BTG4: variants seen among roughly 807,000 people sequenced by gnomAD.
BTG4 encodes protein BTG4.
In BTG4, 10 loss-of-function variants were observed where a neutral mutation model predicts 19.3. That is an observed-to-expected ratio of 0.52 (90% CI 0.32 to 0.88). The LOEUF (loss-of-function observed/expected upper bound fraction) is 0.88, where lower values mean the gene tolerates loss of function less well. BTG4 is among the 40% of genes least tolerant of loss of function. The pLI is 0.04. For missense variants in BTG4, 238 were observed against 281.9 expected, an observed-to-expected ratio of 0.84 and a Z score of 1.11; for synonymous variants, 91 against 95.7, an observed-to-expected ratio of 0.95 and a Z score of 0.29.
the BTG4 span, chr11:111,449,299 ACCAGCACTCCTC>A: frequency 1.1e-4 from 17 of 151,722 alleles, no homozygotes; most frequent in African/African-American, 4.1e-4. Context: ...ACCAACATGA[ACCAGCACTCCTC>A]CCTCCCCCTC....
the BTG4 span, among the ~76,000 whole-genome samples, chr11:111,444,971 G>A: frequency 7.9e-5 from 12 of 152,150 alleles, no homozygotes; most frequent in East Asian, 1.9e-3. Context: ...TCTGTCAAAC[G>A]GGACAAATAG....
intron 5 of BTG4, among the ~76,000 whole-genome samples, chr11:111,483,380 T>G (rs1422745624): frequency 2.6e-5 from 4 of 152,132 alleles, no homozygotes; most frequent in Non-Finnish European, 5.9e-5. Context: ...CTAAATAAAC[T>G]AAATTAGACA....
the BTG4 span, among the ~76,000 whole-genome samples, chr11:111,391,507 G>A: frequency 6.6e-6 from 1 of 152,166 alleles, no homozygotes; most frequent in Non-Finnish European, 1.5e-5. Flanking sequence ...AACCTCTGCT[G>A]GCCGGGACTT....
At chr11:111,403,306 T>C in the BTG4 span, among the ~76,000 whole-genome samples, 1 of 152,202 alleles carries the variant, frequency 6.6e-6, no homozygotes, top group East Asian at 1.9e-4. Context: ...AATCCCAACC[T>C]CAAACACTTC....
the BTG4 span, chr11:111,384,928 T>G: frequency 6.6e-6 from 1 of 152,116 alleles, no homozygotes; most frequent in Admixed American, 6.5e-5. Context: ...CAAAATGCAC[T>G]AATGCTTTCG....
the BTG4 span, chr11:111,458,206 A>G: frequency 6.5e-6 from 1 of 152,904 alleles, no homozygotes; most frequent in Non-Finnish European, 1.5e-5. Flanking sequence ...ATGACATTGA[A>G]GCCAGTGGTG....
At chr11:111,467,753 T>C (rs651882) in intron 5 of BTG4, 303,035 of 724,044 alleles carry the variant, frequency 0.42, 69,013 homozygotes, top group East Asian at 0.62. Flanking sequence ...TCCTGACATA[T>C]TTTATTCCCT....
intron 4 of BTG4, 185 bp downstream of exon 4, chr11:111,497,026 G>A (rs1475633808): frequency 4.2e-6 from 2 of 479,060 alleles, no homozygotes; most frequent in Non-Finnish European, 7.3e-6. Context: ...TCAGCCAAGT[G>A]TAGGGAATAC....
chr11:111,447,626 T>C, the BTG4 span, among the ~76,000 whole-genome samples: 1 of 151,954 alleles, frequency 6.6e-6, no homozygotes, highest in African/African-American at 2.4e-5. Flanking sequence ...AGATAGGAGA[T>C]AGAGAAGAAC....
intron 1 of BTG4, among the ~76,000 whole-genome samples, chr11:111,500,149 A>T (rs528645054): frequency 3.3e-4 from 50 of 149,286 alleles, no homozygotes; most frequent in Admixed American, 5.3e-4. Flanking sequence ...CTCAAAAAAT[A>T]AAAATAAAAA....
At chr11:111,413,676 A>C in the BTG4 span, among the ~76,000 whole-genome samples, 1 of 152,268 alleles carries the variant, frequency 6.6e-6, no homozygotes, top group Non-Finnish European at 1.5e-5. Flanking sequence ...ATCCTGGCCA[A>C]GGCAATAGCA....
intron 4 of BTG4, chr11:111,496,722 C>T (rs1565465110): frequency 6.5e-6 from 1 of 154,284 alleles, no homozygotes; most frequent in Non-Finnish European, 1.4e-5. Flanking sequence ...TAAAGATAAG[C>T]ACTGTTTCAT....
At chr11:111,459,679 T>G in the BTG4 span, 1 of 152,632 alleles carries the variant, frequency 6.6e-6, no homozygotes, top group Admixed American at 6.5e-5. Context: ...GGAATGGAGA[T>G]CCCAGATCCT....
downstream of BTG4, among the ~76,000 whole-genome samples, chr11:111,465,418 A>C (rs568959191): frequency 3.3e-5 from 5 of 152,332 alleles, no homozygotes; most frequent in African/African-American, 1.2e-4. Flanking sequence ...AAGAAGAATA[A>C]AAATTTTATG....
intron 1 of BTG4, among the ~76,000 whole-genome samples, chr11:111,509,911 C>CTTTTT (rs1450409427): frequency 7.8e-5 from 9 of 114,724 alleles, no homozygotes; most frequent in Non-Finnish European, 1.5e-4. Flanking sequence ...TTTCTTTTTT[C>CTTTTT]TTTTTTTTTT....
the BTG4 span, chr11:111,385,695 CTCAA>C: frequency 6.6e-6 from 1 of 152,032 alleles, no homozygotes; most frequent in African/African-American, 2.4e-5. Flanking sequence ...ATTAAAGTAT[CTCAA>C]TCAAATATCT....
At chr11:111,424,543 A>T in the BTG4 span, among the ~76,000 whole-genome samples, 1 of 152,250 alleles carries the variant, frequency 6.6e-6, no homozygotes, top group Admixed American at 6.5e-5. Context: ...GAGGCCAATA[A>T]ACTGAATGCT....
chr11:111,506,210 A>C (rs58386480), intron 1 of BTG4, among the ~76,000 whole-genome samples: 5,312 of 152,254 alleles, frequency 0.035, 320 homozygotes, highest in African/African-American at 0.12. Flanking sequence ...AATTAGAGCA[A>C]AGTCATGGAA....
intron 5 of BTG4, among the ~76,000 whole-genome samples, chr11:111,488,295 G>A (rs952587457): frequency 6.6e-6 from 1 of 151,998 alleles, no homozygotes; most frequent in Non-Finnish European, 1.5e-5. Context: ...CCAGAAATAA[G>A]TCCATGCATT....
Sources: gnomAD v4.1 joint callset for allele counts (sites outside exome capture counted in the v4.1 genomes callset) on GRCh38, gnomAD v4.1.1 for gene constraint, MANE v1.5 for transcripts, NCBI Gene and HGNC (gene_info 2026-07-23, HGNC 2026-07-21) for gene names.